SLC7A9: variants seen among roughly 807,000 people sequenced by gnomAD.
SLC7A9 encodes the protein B(0,+)-type amino acid transporter 1.
In SLC7A9, 38 loss-of-function variants were observed where a neutral mutation model predicts 54.1. That is an observed-to-expected ratio of 0.70 (90% CI 0.54 to 0.92). The LOEUF (loss-of-function observed/expected upper bound fraction) is 0.92. SLC7A9 is among the 40% of genes least tolerant of loss of function. The pLI is 0.00. For synonymous variants in SLC7A9, 264 were observed against 258.9 expected, an observed-to-expected ratio of 1.02 and a Z score of -0.19; for missense variants, 537 against 636.1, an observed-to-expected ratio of 0.84 and a Z score of 1.68.
chr19:32,859,862 CAGG>C lies in SLC7A9; in HGVS notation c.849_851del (p.Leu284del). 1.2e-6 allele frequency: 2 copies of C among 1,614,138 alleles called. No homozygotes were observed. The highest frequency in any genetic ancestry group is 1.7e-6 in the Non-Finnish European group (2 of 1,179,974). On this transcript the variant is annotated inframe_deletion, in exon 8 of 13. Transcript: ENST00000023064. Reference sequence around the variant, plus strand: ...TCACCACAGCCACCGCCTGGGACTGCAGGAGTTCGGTGGCAGTCATCACGGTGA... The same window carrying C: ...TCACCACAGCCACCGCCTGGGACTGCAGTTCGGTGGCAGTCATCACGGTGA...
At chr19:32,860,271 C>T (rs911710605) in intron 7 of SLC7A9, 23 of 1,393,114 alleles carry the variant, frequency 1.7e-5, no homozygotes, top group African/African-American at 7.3e-5. Flanking sequence ...AGAAACCATT[C>T]GCTGGCCGGG....
intron 9 of SLC7A9, among the ~76,000 whole-genome samples, chr19:32,855,778 C>T (rs1481760943): frequency 6.6e-6 from 1 of 152,182 alleles, no homozygotes; most frequent in Non-Finnish European, 1.5e-5. Flanking sequence ...CCCTGTCCAG[C>T]ACACAGCACA....
chr19:32,861,157 C>T (rs948159460), intron 6 of SLC7A9, among the ~76,000 whole-genome samples: 8 of 151,998 alleles, frequency 5.3e-5, no homozygotes, highest in Admixed American at 4.6e-4. Context: ...GGTAAAACCT[C>T]GTCTCTACTA....
chr19:32,837,068 ATTCTCTCG>A (rs1967979202), intron 11 of SLC7A9, among the ~76,000 whole-genome samples: 1 of 152,120 alleles, frequency 6.6e-6, no homozygotes, highest in Non-Finnish European at 1.5e-5. Flanking sequence ...TCTGGTCTCC[ATTCTCTCG>A]TGTTGTTTTA....
chr19:32,846,990 G>A (rs1198429752), intron 9 of SLC7A9, among the ~76,000 whole-genome samples: 1 of 152,202 alleles, frequency 6.6e-6, no homozygotes, highest in African/African-American at 2.4e-5. Flanking sequence ...CTGTTAGAAG[G>A]AAAACTAACA....
rs775942993 is a variant in SLC7A9 at position 32,868,503 on chromosome 19, TCTCTCCG to T, written c.25_31del (p.Arg10MetfsTer78). 6.2e-7 allele frequency: 1 copy of T among 1,614,048 alleles called. No homozygotes were observed. Among genetic ancestry groups the T allele is most frequent in the Admixed American group, 1.7e-5 (1 of 60,000 alleles). On this transcript the variant is annotated frameshift_variant, in exon 2 of 13. Transcript: ENST00000023064. LOFTEE classifies it high-confidence loss of function. Reference sequence around the variant, plus strand: ...TTGGCTCTGGATCGACTTCTCATCCTCTCTCCGCTTTCTCAGGCCAGTATCCCCCATG... The same window carrying T: ...TTGGCTCTGGATCGACTTCTCATCCTCTTTCTCAGGCCAGTATCCCCCATG...
chr19:32,868,490 C>A lies in SLC7A9; in HGVS notation c.45G>T (p.Ser15=). 1 of 1,614,126 alleles carries A rather than the reference C, an allele frequency of 6.2e-7. No individual in the cohort carries two copies. Among genetic ancestry groups the A allele is most frequent in the South Asian group, 1.1e-5 (1 of 91,078 alleles). The part of the protein sequence containing the change: ...GLRKRREDEK[S]IQSQEPKTTS... ...TGGTCTTAGGCTCTTGGCTCTGGAT[C>A]GACTTCTCATCCTCTCTCCGCTTTC... Residue 15 remains serine, a synonymous_variant, in exon 2 of 13, where the codon TCG becomes TCT. Coordinates refer to ENST00000023064, the MANE Select transcript of SLC7A9 (RefSeq NM_014270.5).
At chr19:32,851,989 G>A (rs1036979701) in intron 9 of SLC7A9, among the ~76,000 whole-genome samples, 2 of 151,994 alleles carry the variant, frequency 1.3e-5, no homozygotes, top group Non-Finnish European at 2.9e-5. Context: ...CATGGACACA[G>A]GAAGGGGAAC....
intron 4 of SLC7A9, 116 bp downstream of exon 4, chr19:32,863,980 C>T (rs1368785155): frequency 1.3e-6 from 2 of 1,535,250 alleles, no homozygotes; most frequent in South Asian, 1.1e-5. Flanking sequence ...AAGGCTGATG[C>T]CAGGCCCTGC....
intron 9 of SLC7A9, among the ~76,000 whole-genome samples, chr19:32,853,471 A>G (rs987862016): frequency 1.3e-5 from 2 of 151,962 alleles, no homozygotes; most frequent in African/African-American, 2.4e-5. Flanking sequence ...GTGTTTGTGT[A>G]TACTAGCAAT....
intron 9 of SLC7A9, among the ~76,000 whole-genome samples, chr19:32,851,572 G>A (rs1238745394): frequency 2.6e-5 from 4 of 151,598 alleles, no homozygotes; most frequent in Admixed American, 2.0e-4. Context: ...CACTGTTGGT[G>A]GGACTGTAAA....
chr19:32,832,920 G>GAA, intron 12 of SLC7A9: 3 of 539,448 alleles, frequency 5.6e-6, no homozygotes, highest in Non-Finnish European at 1.0e-5. Context: ...AAAAAGAAAA[G>GAA]AAAATGGTGC....
intron 10 of SLC7A9, 135 bp from the exon 11 acceptor site, chr19:32,842,452 T>C (rs774934439): frequency 2.3e-5 from 19 of 842,444 alleles, no homozygotes; most frequent in Non-Finnish European, 3.5e-5. Context: ...TCCTTCATAG[T>C]TGGGGTTAAA....
In SLC7A9 at chr19:32,860,601, G is replaced by C. The variant is rs750421080; in HGVS notation, c.749+5C>G. 4.3e-6 allele frequency: 7 copies of C among 1,614,018 alleles called. No homozygotes were observed. Among genetic ancestry groups the C allele is most frequent in the African/African-American group, 1.3e-5 (1 of 74,924 alleles). ...TACTGTCCTCTGCACTGATTCAGCT[G>C]TTACCTGTAAGGGTTTCTAAGTTCT... On this transcript the variant is annotated splice_donor_5th_base_variant and intron_variant, in intron 7 of 12. Transcript: ENST00000023064.
At chr19:32,848,464 A>G (rs868406820) in intron 9 of SLC7A9, among the ~76,000 whole-genome samples, 37 of 152,348 alleles carry the variant, frequency 2.4e-4, no homozygotes, top group Middle Eastern at 3.4e-3. Context: ...AAAGGGATCA[A>G]TTCAACAAGA....
Position 32,860,573 on chromosome 19 carries a change from G to C in SLC7A9, c.749+33C>G, listed in dbSNP as rs370792507. ...CAGGAGAAGAGAAATCAGGCTGCCC[G>C]GCTACTGTCCTCTGCACTGATTCAG... is the stretch of plus-strand genomic sequence containing the variant. On this transcript the variant is annotated intron_variant, in intron 7 of 12. Coordinates refer to ENST00000023064, the MANE Select transcript of SLC7A9 (RefSeq NM_014270.5). 6.8e-6 allele frequency: 11 copies of C among 1,613,902 alleles called. No individual in the cohort carries two copies. The African/African-American group carries it at 1.1e-4, about 16-fold the overall frequency.
At chr19:32,835,904 T>G (rs893333266) in intron 11 of SLC7A9, among the ~76,000 whole-genome samples, 8 of 111,244 alleles carry the variant, frequency 7.2e-5, no homozygotes, top group Non-Finnish European at 1.3e-4. Context: ...TGTGTGTGTG[T>G]GTGTGTATGT....
chr19:32,856,607 ATTG>A (rs1372357578), intron 9 of SLC7A9, among the ~76,000 whole-genome samples: 3 of 151,044 alleles, frequency 2.0e-5, no homozygotes, highest in Non-Finnish European at 3.0e-5. Context: ...ATATGCAATT[ATTG>A]TTGTTATTTT....
At chr19:32,851,732 T>C (rs1599670679) in intron 9 of SLC7A9, among the ~76,000 whole-genome samples, 1 of 152,198 alleles carries the variant, frequency 6.6e-6, no homozygotes, top group East Asian at 1.9e-4. Flanking sequence ...GTATGTTTAT[T>C]GTGGCACTAT....
Sources: allele counts gnomAD v4.1 joint callset (sites outside exome capture counted in the v4.1 genomes callset), GRCh38; gene constraint gnomAD v4.1.1; transcripts MANE v1.5; gene names NCBI Gene and HGNC (gene_info 2026-07-23, HGNC 2026-07-21).